Variants in DTD1 observed in about 807,000 individuals in gnomAD.
DTD1 encodes D-tyrosyl-tRNA deacylase 1 homolog.
In DTD1, 13 loss-of-function variants were observed where a neutral mutation model predicts 25.6. The ratio of observed to expected loss-of-function variants is 0.51; its 90% CI spans 0.33 to 0.81. The LOEUF (loss-of-function observed/expected upper bound fraction) is 0.81. Ranked by LOEUF, DTD1 falls within the 30% of genes least tolerant of loss-of-function variation. The pLI is 0.02. For missense variants in DTD1, 193 were observed against 266.4 expected (o/e 0.72, Z 1.92); for synonymous variants, 110 against 103.6 (o/e 1.06, Z -0.37).
intron 3 of DTD1, among the ~76,000 whole-genome samples, chr20:18,627,349 G>A (rs983039093): frequency 6.6e-6 from 1 of 152,216 alleles, no homozygotes; most frequent in Non-Finnish European, 1.5e-5. Flanking sequence ...TGTGAGGCCT[G>A]CCTGTGCCGC....
chr20:18,588,054 A>C lies in DTD1; in HGVS notation c.-19A>C, dbSNP rs780480377. The C allele has an allele frequency of 2.6e-3, 3,635 of 1,402,946 alleles. 7 individuals are homozygous for C. The highest frequency in any genetic ancestry group is 3.1e-3 in the Non-Finnish European group (3,342 of 1,084,120). 86.9% of individuals were successfully genotyped at this position (1,402,946 alleles called of 1,614,324 possible). On this transcript the variant is annotated 5_prime_UTR_variant, in exon 1 of 6. Coordinates refer to ENST00000377452, the MANE Select transcript of DTD1 (RefSeq NM_080820.6). ...GCCGGACGCAGCGCGGCGCCGCCCCACTCGCCCCAGCCGCCGCCATGAAGG... is the reference window on the plus strand; with the variant it reads ...GCCGGACGCAGCGCGGCGCCGCCCCCCTCGCCCCAGCCGCCGCCATGAAGG...
intron 4 of DTD1, chr20:18,642,660 T>C (rs868799383): frequency 6.6e-6 from 1 of 152,240 alleles, no homozygotes; most frequent in African/African-American, 2.4e-5. Flanking sequence ...GGGACCCAAG[T>C]TGATAATACT....
intron 4 of DTD1, among the ~76,000 whole-genome samples, chr20:18,730,921 T>A (rs1321700373): frequency 2.0e-5 from 3 of 152,238 alleles, no homozygotes; most frequent in Non-Finnish European, 4.4e-5. Context: ...CATTGTCCTG[T>A]CCTAGTGTTT....
chr20:18,693,173 G>T (rs561373255), intron 4 of DTD1, among the ~76,000 whole-genome samples: 1 of 152,114 alleles, frequency 6.6e-6, no homozygotes, highest in Non-Finnish European at 1.5e-5. Context: ...GATTACAGGC[G>T]TAAGCCACTG....
In DTD1 at chr20:18,744,097, C is replaced by T. The variant is rs1407941094; in HGVS notation, c.478-3C>T. 1.3e-6 allele frequency: 2 copies of T among 1,594,156 alleles called. No homozygotes were observed. The highest frequency in any genetic ancestry group is 4.5e-5 in the East Asian group (2 of 43,976). ...ATATTCTTTTTTATTTTTATTTAAT[C>T]AGCTGTCAAAGCTCGAAAAACAGCA... On this transcript the variant is annotated splice_region_variant and splice_polypyrimidine_tract_variant and intron_variant, in intron 4 of 5. Coordinates refer to ENST00000377452, the MANE Select transcript of DTD1 (RefSeq NM_080820.6).
At chr20:18,720,278 A>G (rs982002005) in intron 4 of DTD1, among the ~76,000 whole-genome samples, 14 of 152,238 alleles carry the variant, frequency 9.2e-5, no homozygotes, top group African/African-American at 2.4e-5. Flanking sequence ...TTGACTGTTA[A>G]GAGAACATTT....
intron 4 of DTD1, among the ~76,000 whole-genome samples, chr20:18,686,675 T>G (rs2122424336): frequency 7.1e-6 from 1 of 141,622 alleles, no homozygotes; most frequent in East Asian, 2.0e-4. Context: ...TGTGTGTGTG[T>G]GGTGTGTGTG....
chr20:18,610,702 G>A (rs2060683174), intron 3 of DTD1, among the ~76,000 whole-genome samples: 2 of 152,136 alleles, frequency 1.3e-5, no homozygotes, highest in South Asian at 2.1e-4. Flanking sequence ...TTGAGCCCAG[G>A]AGTTTAAGAC....
chr20:18,663,073 C>A (rs912231810), intron 4 of DTD1, among the ~76,000 whole-genome samples: 1 of 152,160 alleles, frequency 6.6e-6, no homozygotes, highest in Non-Finnish European at 1.5e-5. Context: ...TGGTATCCTA[C>A]CCAGGTCAGA....
chr20:18,618,771 G>A (rs941022221), intron 3 of DTD1, among the ~76,000 whole-genome samples: 7 of 145,724 alleles, frequency 4.8e-5, no homozygotes, highest in African/African-American at 1.8e-4. Context: ...GGAATGTAAT[G>A]GCGTCATCTT....
At chr20:18,648,419 G>A (rs1461705117) in intron 4 of DTD1, among the ~76,000 whole-genome samples, 1 of 152,236 alleles carries the variant, frequency 6.6e-6, no homozygotes, top group Non-Finnish European at 1.5e-5. Context: ...GATCTGGGAT[G>A]TACAGCGAGG....
chr20:18,693,102 A>G (rs1260774974), intron 4 of DTD1, among the ~76,000 whole-genome samples: 1 of 151,922 alleles, frequency 6.6e-6, no homozygotes, highest in Non-Finnish European at 1.5e-5. Flanking sequence ...CATGTGGGCA[A>G]GGCTGGTCTC....
intron 3 of DTD1, among the ~76,000 whole-genome samples, chr20:18,598,242 TC>T (rs1445826718): frequency 6.6e-6 from 1 of 152,060 alleles, no homozygotes; most frequent in Non-Finnish European, 1.5e-5. Context: ...GGTTTTCTGT[TC>T]TTGTGATGGT....
intron 5 of DTD1, among the ~76,000 whole-genome samples, chr20:18,761,695 A>G (rs2061363557): frequency 6.6e-6 from 1 of 152,218 alleles, no homozygotes; most frequent in African/African-American, 2.4e-5. Context: ...AAGTTCAAAA[A>G]CAAAGATTTT....
At chr20:18,728,470 TG>T (rs1374121797) in intron 4 of DTD1, among the ~76,000 whole-genome samples, 2 of 152,192 alleles carry the variant, frequency 1.3e-5, no homozygotes, top group Admixed American at 6.5e-5. Flanking sequence ...ATGCAGATTG[TG>T]GTTCTGCAAG....
chr20:18,628,774 A>G (rs1006346381), intron 4 of DTD1, among the ~76,000 whole-genome samples: 1 of 152,240 alleles, frequency 6.6e-6, no homozygotes, highest in South Asian at 2.1e-4. Flanking sequence ...GCGTGGTCTC[A>G]TAGATGCTTA....
chr20:18,663,888 G>A (rs143393617), intron 4 of DTD1, among the ~76,000 whole-genome samples: 1 of 152,182 alleles, frequency 6.6e-6, no homozygotes, highest in Non-Finnish European at 1.5e-5. Context: ...AGAACAGCGT[G>A]GGGGAAAGTG....
chr20:18,640,654 G>A (rs1226323283), intron 4 of DTD1, among the ~76,000 whole-genome samples: 1 of 145,118 alleles, frequency 6.9e-6, no homozygotes, highest in Admixed American at 7.0e-5. Flanking sequence ...TTTTTAAGAC[G>A]GAGTCTCGCT....
chr20:18,588,285 C>A (rs528247872), intron 1 of DTD1, among the ~76,000 whole-genome samples, 170 bp downstream of exon 1: 5 of 151,868 alleles, frequency 3.3e-5, no homozygotes, highest in Non-Finnish European at 7.4e-5. Flanking sequence ...GGGCCGGCTT[C>A]GGGGCAGCGC....
Sources: allele counts gnomAD v4.1 joint callset (sites outside exome capture counted in the v4.1 genomes callset), GRCh38; gene constraint gnomAD v4.1.1; transcripts MANE v1.5; gene names NCBI Gene and HGNC (gene_info 2026-07-23, HGNC 2026-07-21).